Variants in ZBTB20 observed in about 807,000 individuals in gnomAD.
The protein encoded by ZBTB20 is zinc finger and BTB domain-containing protein 20.
ZBTB20 carries 9 observed loss-of-function variants against 56.9 expected under a neutral mutation model. That is an observed-to-expected ratio of 0.16 (90% confidence interval 0.10 to 0.28). ZBTB20 has a LOEUF of 0.28. ZBTB20 is among the 10% of genes least tolerant of loss of function. The pLI, the probability that ZBTB20 is intolerant of heterozygous loss-of-function variation, is 1.00. For missense variants in ZBTB20, 655 were observed against 1,003.0 expected, an observed-to-expected ratio of 0.65 and a Z score of 4.69; for synonymous variants, 417 against 420.7, an observed-to-expected ratio of 0.99 and a Z score of 0.11.
intron 4 of ZBTB20, among the ~76,000 whole-genome samples, chr3:114,802,262 T>G (rs992196593): frequency 5.1e-4 from 77 of 152,058 alleles, no homozygotes; most frequent in African/African-American, 1.9e-3. Flanking sequence ...CAAGGTAATA[T>G]TTTAATATTT....
chr3:114,962,526 T>C (rs1281874846), intron 3 of ZBTB20, among the ~76,000 whole-genome samples: 1 of 152,182 alleles, frequency 6.6e-6, no homozygotes, highest in Non-Finnish European at 1.5e-5. Context: ...TTTAAATTCT[T>C]ATCTCCTAGA....
intron 1 of ZBTB20, among the ~76,000 whole-genome samples, chr3:115,092,763 T>A (rs904049251): frequency 2.0e-5 from 3 of 152,128 alleles, no homozygotes; most frequent in Non-Finnish European, 4.4e-5. Flanking sequence ...AGTCAGTTTG[T>A]CTGACAAATG....
At chr3:114,560,750 G>C (rs1334728042) in intron 6 of ZBTB20, among the ~76,000 whole-genome samples, 1 of 152,164 alleles carries the variant, frequency 6.6e-6, no homozygotes, top group Non-Finnish European at 1.5e-5. Flanking sequence ...GTTGCTGACT[G>C]ATCAGGGTGG....
At chr3:114,988,680 T>G (rs2078661410) in intron 2 of ZBTB20, among the ~76,000 whole-genome samples, 2 of 152,164 alleles carry the variant, frequency 1.3e-5, no homozygotes, top group African/African-American at 2.4e-5. Flanking sequence ...TGCCAGACTG[T>G]CTTCCACAAT....
chr3:115,123,124 T>C (rs1021243805), intron 1 of ZBTB20, among the ~76,000 whole-genome samples: 1 of 152,164 alleles, frequency 6.6e-6, no homozygotes, highest in Non-Finnish European at 1.5e-5. Flanking sequence ...TCAGTGAAGA[T>C]TCTTCTATTT....
At chr3:114,594,946 G>A (rs1037972126) in intron 6 of ZBTB20, among the ~76,000 whole-genome samples, 6 of 152,208 alleles carry the variant, frequency 3.9e-5, no homozygotes, top group Admixed American at 2.0e-4. Flanking sequence ...TTAGTCTAAT[G>A]TATAAGAATT....
At chr3:114,834,466 C>T (rs947926261) in intron 4 of ZBTB20, among the ~76,000 whole-genome samples, 1 of 152,180 alleles carries the variant, frequency 6.6e-6, no homozygotes, top group Non-Finnish European at 1.5e-5. Flanking sequence ...CTTAGATTTA[C>T]ATTCCCACTG....
chr3:114,844,359 ATATATATATATATT>A (rs1560312759), intron 4 of ZBTB20, among the ~76,000 whole-genome samples: 1 of 114,712 alleles, frequency 8.7e-6, no homozygotes, highest in Non-Finnish European at 1.7e-5. Context: ...ATATATATAT[ATATATATATATATT>A]AGCTGAGAGT....
intron 11 of ZBTB20, among the ~76,000 whole-genome samples, chr3:114,348,197 A>C (rs969707573): frequency 2.6e-5 from 4 of 152,206 alleles, no homozygotes; most frequent in Non-Finnish European, 1.5e-5. Flanking sequence ...AGATGTACAG[A>C]GGGGAGAGCA....
At chr3:115,082,680 T>C (rs2082839863) in intron 1 of ZBTB20, among the ~76,000 whole-genome samples, 3 of 151,964 alleles carry the variant, frequency 2.0e-5, no homozygotes, top group South Asian at 4.1e-4. Context: ...TAGAAAACAA[T>C]TTAAAATGAT....
rs1379392748 is a variant in ZBTB20 at position 114,315,365 on chromosome 3, A to G, written c.*23640T>C. 2 of 152,146 alleles carry G rather than the reference A, an allele frequency of 1.3e-5. No homozygotes were observed. The highest frequency in any genetic ancestry group is 4.8e-5 in the African/African-American group (2 of 41,418). The allele number at this position is 152,146 out of a possible 1,614,324, so 9.4% of individuals were successfully genotyped here. Reference sequence around the variant, plus strand: ...CAATTCCCAGGTCTTTGTTCTGAAAAGACAATCTGGTTAGAAAAGTTGCCC... The same window carrying G: ...CAATTCCCAGGTCTTTGTTCTGAAAGGACAATCTGGTTAGAAAAGTTGCCC... On this transcript the variant is annotated 3_prime_UTR_variant, in exon 12 of 12. Transcript: ENST00000675478.
chr3:114,578,352 A>G (rs561341570), intron 6 of ZBTB20, among the ~76,000 whole-genome samples: 2 of 152,040 alleles, frequency 1.3e-5, no homozygotes, highest in Admixed American at 1.3e-4. Flanking sequence ...ACCAATGTTT[A>G]TCTTATAAGA....
chr3:114,902,657 G>A (rs2075166829), intron 3 of ZBTB20, among the ~76,000 whole-genome samples: 1 of 152,120 alleles, frequency 6.6e-6, no homozygotes, highest in Non-Finnish European at 1.5e-5. Flanking sequence ...TTAATGGACA[G>A]TTACATAATA....
chr3:114,750,309 A>C (rs1160678684), intron 5 of ZBTB20, among the ~76,000 whole-genome samples: 1 of 152,216 alleles, frequency 6.6e-6, no homozygotes, highest in African/African-American at 2.4e-5. Flanking sequence ...CCTGCAGGTT[A>C]CACTTTAAAC....
At chr3:114,766,229 A>G (rs941256204) in intron 5 of ZBTB20, among the ~76,000 whole-genome samples, 2 of 152,138 alleles carry the variant, frequency 1.3e-5, no homozygotes, top group Non-Finnish European at 1.5e-5. Flanking sequence ...GGGCAGAAAC[A>G]ACAGCAGAGG....
At chr3:114,821,283 C>G (rs2073227589) in intron 4 of ZBTB20, among the ~76,000 whole-genome samples, 1 of 152,102 alleles carries the variant, frequency 6.6e-6, no homozygotes, top group Non-Finnish European at 1.5e-5. Context: ...TTGGCATGGG[C>G]AAAGACAGCC....
chr3:115,083,717 T>C (rs147052536), intron 1 of ZBTB20, among the ~76,000 whole-genome samples: 263 of 152,094 alleles, frequency 1.7e-3, no homozygotes, highest in Non-Finnish European at 1.9e-3. Context: ...CATTGGCCTA[T>C]AGCATAGGGG....
chr3:115,126,121 G>C (rs1560591661), intron 1 of ZBTB20, among the ~76,000 whole-genome samples: 1 of 152,140 alleles, frequency 6.6e-6, no homozygotes, highest in African/African-American at 2.4e-5. Flanking sequence ...CTTGTTTCTT[G>C]AGAAGCAAGA....
intron 2 of ZBTB20, among the ~76,000 whole-genome samples, chr3:114,975,121 G>C (rs2078044095): frequency 6.6e-6 from 1 of 152,136 alleles, no homozygotes; most frequent in Admixed American, 6.5e-5. Flanking sequence ...CTTTAGTAAA[G>C]AATTGAAGCT....
Sources: allele counts gnomAD v4.1 joint callset (sites outside exome capture counted in the v4.1 genomes callset), GRCh38; gene constraint gnomAD v4.1.1; transcripts MANE v1.5; gene names NCBI Gene and HGNC (gene_info 2026-07-23, HGNC 2026-07-21).